Variants in LNPK observed in about 807,000 individuals in gnomAD.
LNPK encodes the protein endoplasmic reticulum junction formation protein lunapark.
LNPK carries 29 observed loss-of-function variants against 55.2 expected under a neutral mutation model. That is an observed-to-expected ratio of 0.53 (90% confidence interval 0.39 to 0.72). LNPK has a LOEUF of 0.72. Ranked by LOEUF, LNPK falls within the 30% of genes least tolerant of loss-of-function variation. LNPK has a pLI of 0.00. For missense variants in LNPK, 467 were observed against 494.8 expected, an observed-to-expected ratio of 0.94 and a Z score of 0.53; for synonymous variants, 162 against 168.2, an observed-to-expected ratio of 0.96 and a Z score of 0.29.
At position 175,947,506 on chromosome 2, in the gene LNPK, G is replaced by T; in HGVS notation, c.680C>A (p.Ser227Tyr). ...CATTCCAGGCACTGAAGTAGCAGGGGATCCAAGATGTCTTGGTAACACATT... is the reference window on the plus strand; with the variant it reads ...CATTCCAGGCACTGAAGTAGCAGGGTATCCAAGATGTCTTGGTAACACATT... ...SSNVLPRHLG[S>Y]PATSVPGMGL... is the part of the protein sequence containing the mutation. Residue 227 changes from serine (S) to tyrosine (Y), a missense_variant, in exon 9 of 13, where the codon TCC becomes TAC. Physicochemically the swap from Ser to Tyr is moderately radical, Grantham distance 144. Coordinates refer to ENST00000272748, the MANE Select transcript of LNPK (RefSeq NM_030650.3). 1 of 1,613,628 alleles carries T rather than the reference G, an allele frequency of 6.2e-7. No individual in the cohort carries two copies. Among genetic ancestry groups the T allele is most frequent in the Non-Finnish European group, 8.5e-7 (1 of 1,179,854 alleles).
chr2:175,942,516 T>C (rs1450386865), intron 9 of LNPK, among the ~76,000 whole-genome samples: 1 of 151,984 alleles, frequency 6.6e-6, no homozygotes, highest in Non-Finnish European at 1.5e-5. Flanking sequence ...AAATTAGAAA[T>C]CAGCAGCAGA....
chr2:175,932,532 A>AT (rs1242580710), intron 12 of LNPK, among the ~76,000 whole-genome samples: 1 of 152,142 alleles, frequency 6.6e-6, no homozygotes, highest in Non-Finnish European at 1.5e-5. Context: ...CAGAAAAGCA[A>AT]TTTTTTAATG....
At chr2:175,993,718 G>C (rs139940685) in intron 2 of LNPK, among the ~76,000 whole-genome samples, 2 of 151,880 alleles carry the variant, frequency 1.3e-5, no homozygotes, top group Non-Finnish European at 2.9e-5. Flanking sequence ...GATTGAACCC[G>C]GGAGCCAGAG....
rs1574897068 is a variant in LNPK at position 175,989,084 on chromosome 2, T to A, written c.257+3147A>T. Among the ~76,000 whole-genome samples, 3 of 152,334 alleles carry A rather than the reference T, an allele frequency of 2.0e-5. 1 individual carries two copies. In the East Asian group the frequency reaches 5.8e-4, roughly 29 times the overall value. ...GCCACCACGCCTGGCTGAAAGACAC[T>A]TGTATTCTTACTAGTGTATCATGAA... On this transcript the variant is annotated intron_variant, in intron 4 of 12. Transcript: ENST00000272748.
intron 12 of LNPK, among the ~76,000 whole-genome samples, chr2:175,933,102 A>T (rs1684358847): frequency 6.6e-6 from 1 of 152,100 alleles, no homozygotes; most frequent in Non-Finnish European, 1.5e-5. Context: ...TGATCCATGC[A>T]ATTTCTTTCC....
At chr2:175,982,694 C>A (rs906701893) in intron 4 of LNPK, among the ~76,000 whole-genome samples, 2 of 152,004 alleles carry the variant, frequency 1.3e-5, no homozygotes, top group Non-Finnish European at 2.9e-5. Context: ...CATGCCTAGC[C>A]CTTTTATATT....
chr2:175,985,064 T>G (rs1016377693), intron 4 of LNPK, among the ~76,000 whole-genome samples: 2 of 152,208 alleles, frequency 1.3e-5, no homozygotes, highest in African/African-American at 4.8e-5. Flanking sequence ...TGGATGGATC[T>G]CAAGAATATA....
intron 6 of LNPK, among the ~76,000 whole-genome samples, chr2:175,967,107 T>C (rs1053889621): frequency 1.3e-5 from 2 of 152,238 alleles, no homozygotes; most frequent in Admixed American, 6.5e-5. Context: ...CAAGATAGCT[T>C]TGAATGCAGC....
intron 8 of LNPK, among the ~76,000 whole-genome samples, chr2:175,959,324 C>T (rs980897564): frequency 6.6e-6 from 1 of 152,132 alleles, no homozygotes; most frequent in Non-Finnish European, 1.5e-5. Flanking sequence ...AGAGAAAAGT[C>T]GAGTTACCCA....
At chr2:175,987,510 C>T (rs1467320687) in intron 4 of LNPK, among the ~76,000 whole-genome samples, 2 of 152,044 alleles carry the variant, frequency 1.3e-5, no homozygotes, top group Non-Finnish European at 1.5e-5. Context: ...ACATCACACA[C>T]CAGGGCCTGT....
intron 9 of LNPK, among the ~76,000 whole-genome samples, chr2:175,943,899 T>C (rs957937970): frequency 2.6e-5 from 4 of 152,124 alleles, no homozygotes; most frequent in African/African-American, 9.6e-5. Context: ...CTAGCACTTC[T>C]ATTACCATTG....
At chr2:175,997,508 G>T (rs1687983075) in intron 1 of LNPK, among the ~76,000 whole-genome samples, 1 of 152,042 alleles carries the variant, frequency 6.6e-6, no homozygotes, top group South Asian at 2.1e-4. Context: ...CTAGTGTATG[G>T]TGTCTAGCAG....
intron 12 of LNPK, among the ~76,000 whole-genome samples, chr2:175,932,587 T>C (rs1170908586): frequency 1.3e-5 from 2 of 152,184 alleles, no homozygotes; most frequent in Non-Finnish European, 2.9e-5. Flanking sequence ...ACATCTACAA[T>C]GTAGACATCA....
intron 11 of LNPK, 192 bp from the exon 12 acceptor site, chr2:175,937,706 T>C (rs1684622997): frequency 1.2e-5 from 5 of 432,128 alleles, no homozygotes; most frequent in Non-Finnish European, 4.1e-6. Flanking sequence ...TATTAGAATT[T>C]TAATTTTTAA....
At chr2:175,993,468 G>C (rs1687790649) in intron 2 of LNPK, among the ~76,000 whole-genome samples, 1 of 152,104 alleles carries the variant, frequency 6.6e-6, no homozygotes, top group South Asian at 2.1e-4. Flanking sequence ...TTTTAATTCT[G>C]ATAGCTCAAT....
chr2:175,939,494 C>CAG, intron 10 of LNPK, 58 bp downstream of exon 10: 1 of 700,592 alleles, frequency 1.4e-6, no homozygotes, highest in Non-Finnish European at 2.3e-6. Flanking sequence ...CTAGTGTGTA[C>CAG]ACACACACAC....
intron 9 of LNPK, among the ~76,000 whole-genome samples, chr2:175,940,065 TA>T (rs1684750336): frequency 6.6e-6 from 1 of 152,040 alleles, no homozygotes; most frequent in Non-Finnish European, 1.5e-5. Context: ...CTAAAACAAT[TA>T]AAATACTGTG....
intron 8 of LNPK, among the ~76,000 whole-genome samples, chr2:175,950,398 A>T (rs192397844): frequency 6.6e-6 from 1 of 152,210 alleles, no homozygotes; most frequent in Non-Finnish European, 1.5e-5. Flanking sequence ...GCTAGAAGAG[A>T]AGAATTGGAA....
chr2:175,999,445 T>C (rs182327812), intron 1 of LNPK, among the ~76,000 whole-genome samples: 1 of 152,372 alleles, frequency 6.6e-6, no homozygotes, highest in African/African-American at 2.4e-5. Flanking sequence ...ACCTAATGTA[T>C]TCTAACCTGT....
Sources: allele counts gnomAD v4.1 joint callset (sites outside exome capture counted in the v4.1 genomes callset), GRCh38; gene constraint gnomAD v4.1.1; transcripts MANE v1.5; gene names NCBI Gene and HGNC (gene_info 2026-07-23, HGNC 2026-07-21).